The following VPS35L variants were observed in gnomAD, a reference collection of about 807,000 sequenced individuals.
The protein encoded by VPS35L is VPS35 endosomal protein sorting factor like.
In VPS35L, 83 loss-of-function variants were observed where a neutral mutation model predicts 133.0. The observed-to-expected ratio is 0.62, with a 90% CI of 0.52 to 0.75. VPS35L has a LOEUF of 0.75. Ranked by LOEUF, VPS35L falls within the 30% of genes least tolerant of loss-of-function variation. The probability of loss-of-function intolerance (pLI) is 0.00; values close to 1 mark genes in which losing one functional copy is unlikely to be tolerated. For missense variants in VPS35L, 1,083 were observed against 1,206.8 expected (o/e 0.90, Z 1.52); for synonymous variants, 423 against 449.9 (o/e 0.94, Z 0.76).
chr16:19,674,332 C>T (rs1320706831), intron 27 of VPS35L, among the ~76,000 whole-genome samples: 4 of 150,598 alleles, frequency 2.7e-5, no homozygotes, highest in African/African-American at 7.3e-5. Context: ...GCTGAGACTA[C>T]AGGCGCCCAC....
At chr16:19,687,735 G>A (rs774792178) in intron 28 of VPS35L, among the ~76,000 whole-genome samples, 28 of 152,110 alleles carry the variant, frequency 1.8e-4, no homozygotes, top group Non-Finnish European at 3.7e-4. Context: ...AAAAAATTAT[G>A]TGTGTCTGTC....
chr16:19,666,864 G>C (rs1454009441), intron 26 of VPS35L, among the ~76,000 whole-genome samples: 1 of 136,458 alleles, frequency 7.3e-6, no homozygotes, highest in South Asian at 2.4e-4. Flanking sequence ...CCATAAGTAG[G>C]GCCATGTTTT....
chr16:19,630,833 C>T (rs754281149), intron 18 of VPS35L, among the ~76,000 whole-genome samples: 66 of 151,774 alleles, frequency 4.3e-4, no homozygotes, highest in Admixed American at 1.3e-3. Context: ...GGTAAAACCC[C>T]GTCTCTACTA....
intron 7 of VPS35L, among the ~76,000 whole-genome samples, chr16:19,588,978 G>A (rs1340269710): frequency 6.6e-6 from 1 of 152,108 alleles, no homozygotes; most frequent in Non-Finnish European, 1.5e-5. Context: ...AATTTTTCCA[G>A]TCATATTTTC....
intron 29 of VPS35L, among the ~76,000 whole-genome samples, chr16:19,698,584 A>G (rs1975999253): frequency 6.6e-6 from 1 of 152,174 alleles, no homozygotes; most frequent in Admixed American, 6.5e-5. Flanking sequence ...TGTACCTGCC[A>G]CGGAGCTGTC....
intron 3 of VPS35L, among the ~76,000 whole-genome samples, chr16:19,570,273 G>T (rs1971321164): frequency 6.6e-6 from 1 of 152,106 alleles, no homozygotes; most frequent in South Asian, 2.1e-4. Flanking sequence ...ATGTTGACCA[G>T]GCTGGTCTTG....
chr16:19,592,026 A>T, intron 8 of VPS35L, 152 bp downstream of exon 8: 1 of 575,768 alleles, frequency 1.7e-6, no homozygotes, highest in Non-Finnish European at 3.1e-6. Context: ...CACGCCCATT[A>T]ATAAGGGCGC....
intron 14 of VPS35L, among the ~76,000 whole-genome samples, chr16:19,619,909 T>A (rs1036482967): frequency 6.6e-6 from 1 of 152,130 alleles, no homozygotes; most frequent in Non-Finnish European, 1.5e-5. Flanking sequence ...ATGAGTCACC[T>A]GCAGAGTAGA....
At position 19,669,239 on chromosome 16, in the gene VPS35L, A is replaced by G. The variant is rs142481027; in HGVS notation, c.2301A>G (p.Pro767=). 6.2e-7 allele frequency: 1 copy of G among 1,613,442 alleles called. No homozygotes were observed. The highest frequency in any genetic ancestry group is 8.5e-7 in the Non-Finnish European group (1 of 1,179,444). ...KMINIDGKMR[P]SESFLLEFLC... ...TTAATATTGATGGGAAGATGCGGCC[A>G]TCGGAATCGTTCCTTCTGGAATTCC... The change falls in exon 27 of 31, where the codon CCA becomes CCG. Residue 767 remains proline, a synonymous_variant. Transcript: ENST00000417362.
intron 27 of VPS35L, among the ~76,000 whole-genome samples, chr16:19,671,298 G>A (rs560359382): frequency 2.6e-5 from 4 of 151,932 alleles, no homozygotes; most frequent in Admixed American, 1.3e-4. Flanking sequence ...GCACAACCCC[G>A]TATCTACTAA....
At position 19,570,669 on chromosome 16, in the gene VPS35L, G is replaced by A. The variant is rs1037853294; in HGVS notation, c.285+1078G>A. 3.3e-5 allele frequency among the ~76,000 whole-genome samples: 5 copies of A among 151,372 alleles called. No individual in the cohort carries two copies. The South Asian group carries it at 6.3e-4, about 19-fold the overall frequency. ...CATGGCAGGCATTTTTCCGGAGTGC[G>A]TTTTGTATTTGGTTCTCTTACTACC... On this transcript the variant is annotated intron_variant, in intron 3 of 30. Transcript: ENST00000417362.
intron 7 of VPS35L, among the ~76,000 whole-genome samples, chr16:19,588,454 A>G (rs1395157358): frequency 1.3e-5 from 2 of 152,016 alleles, no homozygotes; most frequent in Non-Finnish European, 2.9e-5. Flanking sequence ...GCCCCCCGCA[A>G]AGTGCTGGGA....
rs1971428448 is a variant in VPS35L at position 19,572,991 on chromosome 16, G to A, written c.286-128G>A. ...TGCCTGGCGCTGTAATTTTTTTTAT[G>A]ATAGTAAACCTTGAGACAAATCTCT... On this transcript the variant is annotated intron_variant, in intron 3 of 30. Transcript: ENST00000417362. The A allele has an allele frequency of 3.6e-6, 4 of 1,107,060 alleles. No homozygotes were observed. The South Asian group carries it at 7.7e-5, about 21-fold the overall frequency. The allele number at this position is 1,107,060 out of a possible 1,614,324, so 68.6% of individuals were successfully genotyped here.
At position 19,573,264 on chromosome 16, in the gene VPS35L, C is replaced by T. The variant is rs539532149; in HGVS notation, c.408+23C>T. On this transcript the variant is annotated intron_variant, in intron 4 of 30. Coordinates refer to ENST00000417362, the MANE Select transcript of VPS35L (RefSeq NM_020314.7). ...ATTGTGAGTACCAGGAGACCCTCTCCAGAGTCTACTTTGGAGTTAGTAGTA... is the reference window on the plus strand; with the variant it reads ...ATTGTGAGTACCAGGAGACCCTCTCTAGAGTCTACTTTGGAGTTAGTAGTA... The T allele has an allele frequency of 1.1e-5, 18 of 1,609,818 alleles. No individual in the cohort carries two copies. The South Asian group carries it at 1.9e-4, about 17-fold the overall frequency.
chr16:19,660,100 G>A (rs1157752842), intron 26 of VPS35L, among the ~76,000 whole-genome samples: 1 of 152,040 alleles, frequency 6.6e-6, no homozygotes, highest in Non-Finnish European at 1.5e-5. Flanking sequence ...CCGAGACGGT[G>A]GATCACTAGA....
rs770547092 is a variant in VPS35L at position 19,628,727 on chromosome 16, G to A, written c.1474G>A (p.Val492Ile). ...TCAGATTCTCAACGAAGCTTGGAAA[G>A]TCATCACTAAGCTGAAGAACCCACA... ...RLQILNEAWK[V>I]ITKLKNPQDY... Residue 492 changes from valine to isoleucine, a missense_variant, in exon 17 of 31, where the codon GTC becomes ATC. Val to Ile is a conservative substitution (Grantham distance 29). Coordinates refer to ENST00000417362, the MANE Select transcript of VPS35L (RefSeq NM_020314.7). 7.6e-5 allele frequency: 120 copies of A among 1,586,592 alleles called. No homozygotes were observed. Among genetic ancestry groups the A allele is most frequent in the Non-Finnish European group, 9.7e-5 (113 of 1,161,068 alleles).
At position 19,616,137 on chromosome 16, in the gene VPS35L, T is replaced by A; in HGVS notation, c.1047T>A (p.His349Gln). ...AGGTGGGAATGGAAGTGGCCCCACA[T>A]CTCAAAGAAACCCTAAATAAGAACT... The part of the protein sequence containing the change: ...LCRVGMEVAP[H>Q]LKETLNKNFF... Residue 349 changes from histidine to glutamine, a missense_variant, in exon 13 of 31, where the codon CAT (histidine) becomes CAA (glutamine). Physicochemically the swap from His to Gln is conservative, Grantham distance 24 (BLOSUM62 0). Transcript: ENST00000417362. 1 of 1,613,720 alleles carries A rather than the reference T, an allele frequency of 6.2e-7. No individual in the cohort carries two copies. Among genetic ancestry groups the A allele is most frequent in the Non-Finnish European group, 8.5e-7 (1 of 1,179,740 alleles).
intron 16 of VPS35L, 82 bp from the exon 17 acceptor site, chr16:19,628,555 C>A: frequency 1.3e-6 from 1 of 774,900 alleles, no homozygotes; most frequent in Non-Finnish European, 2.1e-6. Context: ...AACATTACAA[C>A]CTTTTCTCTT....
At chr16:19,667,006 CAG>C (rs1052060338) in intron 26 of VPS35L, among the ~76,000 whole-genome samples, 15 of 97,226 alleles carry the variant, frequency 1.5e-4, no homozygotes, top group Non-Finnish European at 3.2e-4. Flanking sequence ...TTTTTTGAGA[CAG>C]AGCATTGCTC....
Sources: allele counts gnomAD v4.1 joint callset (sites outside exome capture counted in the v4.1 genomes callset), GRCh38; gene constraint gnomAD v4.1.1; transcripts MANE v1.5; gene names NCBI Gene and HGNC (gene_info 2026-07-23, HGNC 2026-07-21).